LMBRD1: variants seen among roughly 807,000 people sequenced by gnomAD.
The protein encoded by LMBRD1 is LMBR1 domain containing 1.
In LMBRD1, 64 loss-of-function variants were observed where a neutral mutation model predicts 74.8. That is an observed-to-expected ratio of 0.86 (90% CI 0.70 to 1.05). The LOEUF (loss-of-function observed/expected upper bound fraction) is 1.05. Ranked by LOEUF, LMBRD1 falls within the 50% of genes least tolerant of loss-of-function variation. The probability of loss-of-function intolerance (pLI) is 0.00; values close to 1 mark genes in which losing one functional copy is unlikely to be tolerated. For missense variants in LMBRD1, 652 were observed against 645.9 expected (o/e 1.01, Z -0.10); for synonymous variants, 204 against 216.3 (o/e 0.94, Z 0.50).
At chr6:69,705,296 C>A in intron 9 of LMBRD1, 2 of 743,508 alleles carry the variant, frequency 2.7e-6, no homozygotes, top group South Asian at 2.7e-5. Context: ...CTTAAAGAGA[C>A]TTCCTCAACT....
At chr6:69,700,664 A>T (rs927774311) in intron 12 of LMBRD1, 101 bp downstream of exon 12, 2 of 794,516 alleles carry the variant, frequency 2.5e-6, no homozygotes, top group African/African-American at 3.6e-5. Context: ...CACTTGTGGT[A>T]TAAAGATACA....
chr6:69,749,911 AG>A (rs1562111617), intron 4 of LMBRD1, among the ~76,000 whole-genome samples: 70 of 110,556 alleles, frequency 6.3e-4, no homozygotes, highest in African/African-American at 3.0e-3. Flanking sequence ...TACATATATA[AG>A]TATATATACA....
chr6:69,735,832 TAA>T (rs1464605162), intron 7 of LMBRD1, among the ~76,000 whole-genome samples: 6 of 152,204 alleles, frequency 3.9e-5, no homozygotes, highest in Non-Finnish European at 8.8e-5. Context: ...CTGTGGACTA[TAA>T]AGCTCACATG....
intron 5 of LMBRD1, 135 bp from the exon 6 acceptor site, chr6:69,742,012 T>C (rs1767115012): frequency 1.7e-6 from 1 of 585,628 alleles, no homozygotes. Context: ...GAGTGAAAAG[T>C]TTCTTATCTA....
intron 9 of LMBRD1, among the ~76,000 whole-genome samples, chr6:69,704,887 T>A (rs1053820781): frequency 4.8e-5 from 7 of 146,280 alleles, no homozygotes; most frequent in Non-Finnish European, 7.5e-5. Flanking sequence ...TTCTGCTAGC[T>A]TTTTTGGGAT....
At chr6:69,788,235 G>T in intron 2 of LMBRD1, among the ~76,000 whole-genome samples, 1 of 152,064 alleles carries the variant, frequency 6.6e-6, no homozygotes, top group South Asian at 2.1e-4. Context: ...AATCAAACAT[G>T]CTCAATTCTA....
At chr6:69,767,628 C>G (rs1463925217) in intron 3 of LMBRD1, among the ~76,000 whole-genome samples, 1 of 151,818 alleles carries the variant, frequency 6.6e-6, no homozygotes, top group Admixed American at 6.6e-5. Flanking sequence ...ATAGTCTATA[C>G]TGAAGAATGT....
At chr6:69,718,485 C>T (rs755389082) in intron 8 of LMBRD1, among the ~76,000 whole-genome samples, 27 of 152,210 alleles carry the variant, frequency 1.8e-4, no homozygotes, top group Middle Eastern at 3.4e-3. Flanking sequence ...TCTTATGCTG[C>T]TATAAAGAAC....
chr6:69,732,462 A>G (rs919256138), intron 7 of LMBRD1, among the ~76,000 whole-genome samples: 5 of 152,150 alleles, frequency 3.3e-5, no homozygotes, highest in Admixed American at 6.6e-5. Context: ...CTCTAGAACC[A>G]TGAGAAATAA....
chr6:69,764,396 T>C (rs776090746), intron 3 of LMBRD1, among the ~76,000 whole-genome samples: 9 of 152,284 alleles, frequency 5.9e-5, no homozygotes, highest in Middle Eastern at 3.4e-3. Flanking sequence ...TAGCTATCTA[T>C]AAGCATGGAA....
Position 69,713,643 on chromosome 6 carries a change from A to T in LMBRD1, c.915+2T>A. ...AGCATAATTTTTAAAAACTTCATTT[A>T]CCTTCAGGGGACGCAGAGCGCCACA... On this transcript the variant is annotated splice_donor_variant, in intron 9 of 15. Coordinates refer to ENST00000649934, the MANE Select transcript of LMBRD1 (RefSeq NM_018368.4). LOFTEE classifies it high-confidence loss of function. 3 of 1,613,246 alleles carry T rather than the reference A, an allele frequency of 1.9e-6. No individual in the cohort carries two copies. Among genetic ancestry groups the T allele is most frequent in the Non-Finnish European group, 2.5e-6 (3 of 1,179,448 alleles).
At chr6:69,792,021 C>A (rs1428850924) in intron 1 of LMBRD1, among the ~76,000 whole-genome samples, 1 of 152,170 alleles carries the variant, frequency 6.6e-6, no homozygotes, top group East Asian at 1.9e-4. Flanking sequence ...CATGGCAGTT[C>A]CAAGACCACT....
At chr6:69,747,165 C>T (rs749639005) in intron 5 of LMBRD1, among the ~76,000 whole-genome samples, 9 of 152,024 alleles carry the variant, frequency 5.9e-5, no homozygotes, top group Non-Finnish European at 1.2e-4. Flanking sequence ...AATGAAGTCA[C>T]AAGGGTGGGG....
At chr6:69,761,904 T>C (rs551100716) in intron 3 of LMBRD1, among the ~76,000 whole-genome samples, 1 of 152,360 alleles carries the variant, frequency 6.6e-6, no homozygotes, top group South Asian at 2.1e-4. Context: ...CTTCTGCATC[T>C]GGCTTCCTTC....
intron 1 of LMBRD1, among the ~76,000 whole-genome samples, chr6:69,793,756 C>T: frequency 6.9e-6 from 1 of 145,942 alleles, no homozygotes; most frequent in African/African-American, 2.6e-5. Context: ...CGAAGTTTCC[C>T]TCTGTTGCCC....
At chr6:69,738,986 C>A (rs1354764570) in intron 6 of LMBRD1, among the ~76,000 whole-genome samples, 1 of 152,114 alleles carries the variant, frequency 6.6e-6, no homozygotes, top group Non-Finnish European at 1.5e-5. Context: ...AATTCACAAT[C>A]ACGCAAGGCA....
At chr6:69,701,788 T>C (rs1766136636) in intron 10 of LMBRD1, 101 bp downstream of exon 10, 11 of 835,532 alleles carry the variant, frequency 1.3e-5, no homozygotes, top group Non-Finnish European at 2.0e-5. Flanking sequence ...GTAAAAAAGC[T>C]ACTTAAGATG....
chr6:69,725,675 T>TA (rs1205178354), intron 7 of LMBRD1, among the ~76,000 whole-genome samples: 2 of 152,272 alleles, frequency 1.3e-5, no homozygotes, highest in Admixed American at 1.3e-4. Context: ...GGAAACTGGA[T>TA]ATCCATATGT....
intron 7 of LMBRD1, among the ~76,000 whole-genome samples, chr6:69,724,001 A>C (rs1162930295): frequency 6.6e-6 from 1 of 152,100 alleles, no homozygotes; most frequent in African/African-American, 2.4e-5. Flanking sequence ...AATTCAAAGG[A>C]TCATTAGTGG....
Sources: gnomAD v4.1 joint callset for allele counts (sites outside exome capture counted in the v4.1 genomes callset) on GRCh38, gnomAD v4.1.1 for gene constraint, MANE v1.5 for transcripts, NCBI Gene and HGNC (gene_info 2026-07-23, HGNC 2026-07-21) for gene names.